Variants in SPATA22 observed in about 807,000 individuals in gnomAD.
The protein encoded by SPATA22 is spermatogenesis-associated protein 22.
Under a neutral mutation model 47.8 loss-of-function variants are expected in SPATA22, and 29 were observed. The ratio of observed to expected loss-of-function variants is 0.61; its 90% CI spans 0.45 to 0.83. The LOEUF is 0.83. SPATA22 is among the 40% of genes least tolerant of loss of function. The pLI, the probability that SPATA22 is intolerant of heterozygous loss-of-function variation, is 0.00. For missense variants in SPATA22, 410 were observed against 421.7 expected, an observed-to-expected ratio of 0.97 and a Z score of 0.24; for synonymous variants, 133 against 140.9, an observed-to-expected ratio of 0.94 and a Z score of 0.40.
At chr17:3,486,910 T>C (rs1197970263) in intron 1 of SPATA22, among the ~76,000 whole-genome samples, 2 of 152,200 alleles carry the variant, frequency 1.3e-5, no homozygotes, top group Non-Finnish European at 2.9e-5. Context: ...TTGTAGGACA[T>C]GGCTATGGCA....
upstream of SPATA22, chr17:3,472,498 G>C (rs577809660): frequency 2.0e-5 from 3 of 152,400 alleles, no homozygotes; most frequent in Admixed American, 2.0e-4. Flanking sequence ...GGACCTACCA[G>C]TAAAAGAACA....
chr17:3,497,644 T>C (rs983461149), intron 1 of SPATA22, among the ~76,000 whole-genome samples: 1 of 152,208 alleles, frequency 6.6e-6, no homozygotes, highest in Non-Finnish European at 1.5e-5. Flanking sequence ...GCGATCATAA[T>C]GTGCCACCAG....
At chr17:3,467,302 T>G (rs2073336566) in intron 3 of SPATA22, 124 bp downstream of exon 3, 1 of 788,310 alleles carries the variant, frequency 1.3e-6, no homozygotes. Flanking sequence ...CTATGTAATT[T>G]CTATATGTGG....
intron 5 of SPATA22, among the ~76,000 whole-genome samples, chr17:3,462,002 G>A (rs1011026888): frequency 6.6e-6 from 1 of 152,004 alleles, no homozygotes; most frequent in Non-Finnish European, 1.5e-5. Context: ...TTCATTTCTT[G>A]AGCCCCTACT....
intron 1 of SPATA22, chr17:3,494,499 T>A (rs756486714): frequency 1.2e-5 from 18 of 1,500,912 alleles, no homozygotes; most frequent in Non-Finnish European, 1.5e-5. Context: ...AAAATAATAA[T>A]GCTGTACCTT....
At chr17:3,456,249 G>T (rs1409640797) in intron 5 of SPATA22, among the ~76,000 whole-genome samples, 1 of 151,440 alleles carries the variant, frequency 6.6e-6, no homozygotes, top group Non-Finnish European at 1.5e-5. Context: ...AAAAATTAAT[G>T]AATCCAGGAG....
At chr17:3,456,457 A>G (rs1473234701) in intron 5 of SPATA22, among the ~76,000 whole-genome samples, 1 of 146,104 alleles carries the variant, frequency 6.8e-6, no homozygotes, top group Non-Finnish European at 1.5e-5. Flanking sequence ...GAAGAAATGG[A>G]TAAATTCCTC....
rs973189671 is a variant in SPATA22 at position 3,471,773 on chromosome 17, C to A, written c.-165G>T. On this transcript the variant is annotated 5_prime_UTR_variant, in exon 1 of 9. Transcript: ENST00000572969. ...CCGTCAACCGTCGTCCAGGCGGCCC[C>A]GTCAGCAACCGCCGCCCTTCCCGCC... 5 of 985,510 alleles carry A rather than the reference C, an allele frequency of 5.1e-6. No individual in the cohort carries two copies. Among genetic ancestry groups the A allele is most frequent in the East Asian group, 1.1e-4 (1 of 8,806 alleles). The allele number at this position is 985,510 out of a possible 1,614,324, so 61.0% of individuals were successfully genotyped here.
chr17:3,458,515 T>C (rs1303575678), intron 5 of SPATA22, among the ~76,000 whole-genome samples: 1 of 152,152 alleles, frequency 6.6e-6, no homozygotes, highest in Non-Finnish European at 1.5e-5. Flanking sequence ...CAAAGAGATA[T>C]CTGCATTTCC....
At chr17:3,461,635 A>C (rs969579326) in intron 5 of SPATA22, among the ~76,000 whole-genome samples, 3 of 152,174 alleles carry the variant, frequency 2.0e-5, no homozygotes, top group African/African-American at 7.2e-5. Context: ...AATCAAAACT[A>C]ATTTTTAAAT....
Position 3,443,220 on chromosome 17 carries a change from A to T in SPATA22, c.854T>A (p.Leu285His). 1.2e-6 allele frequency: 2 copies of T among 1,611,194 alleles called. No individual in the cohort carries two copies. Among genetic ancestry groups the T allele is most frequent in the Non-Finnish European group, 1.7e-6 (2 of 1,178,320 alleles). The change falls in exon 8 of 9, where the codon CTT (leucine) becomes CAT (histidine). Residue 285 changes from leucine (L) to histidine (H), a missense_variant. Coordinates refer to ENST00000572969, the MANE Select transcript of SPATA22 (RefSeq NM_001170698.2). ...CAGAGTATTTTTCCCATCCCTCATA[A>T]GAAAAGTCTTCGAATAATATGGGCC... The part of the protein sequence containing the change: ...TPGPYYSKTF[L>H]MRDGKNTLPC...
chr17:3,492,916 A>C (rs1405147776), intron 1 of SPATA22, among the ~76,000 whole-genome samples: 8 of 152,218 alleles, frequency 5.3e-5, no homozygotes, highest in African/African-American at 1.9e-4. Context: ...CATGAACTAA[A>C]TTAGGAGGTG....
In SPATA22 at chr17:3,467,558, A is replaced by T; in HGVS notation, c.44-4T>A. On this transcript the variant is annotated splice_region_variant and splice_polypyrimidine_tract_variant and intron_variant, in intron 2 of 8. Coordinates refer to ENST00000572969, the MANE Select transcript of SPATA22 (RefSeq NM_001170698.2). ...AACAACGGAACAGGCAAACAGCCTA[A>T]ATTGAATGTACCAATAAATTAGTAC... The T allele has an allele frequency of 6.2e-7, 1 of 1,600,388 alleles. No individual in the cohort carries two copies. Among genetic ancestry groups the T allele is most frequent in the Non-Finnish European group, 8.5e-7 (1 of 1,174,286 alleles).
chr17:3,453,671 G>C (rs1012067284), intron 5 of SPATA22, among the ~76,000 whole-genome samples: 14 of 151,964 alleles, frequency 9.2e-5, no homozygotes, highest in Non-Finnish European at 1.9e-4. Flanking sequence ...AACTCGAAAT[G>C]CTCCAAAATT....
At chr17:3,463,951 G>GTCTGCCTCTC (rs2073200320) in intron 3 of SPATA22, among the ~76,000 whole-genome samples, 1 of 39,180 alleles carries the variant, frequency 2.6e-5, no homozygotes, top group Admixed American at 2.7e-4. Flanking sequence ...CTCTCCCTCT[G>GTCTGCCTCTC]CCTCTCCCTC....
At chr17:3,469,896 C>G (rs2073388540) in intron 1 of SPATA22, among the ~76,000 whole-genome samples, 1 of 152,092 alleles carries the variant, frequency 6.6e-6, no homozygotes, top group Non-Finnish European at 1.5e-5. Context: ...GAGTTCAAGA[C>G]CAGCCTGGCC....
intron 1 of SPATA22, among the ~76,000 whole-genome samples, chr17:3,482,473 G>A (rs1237324440): frequency 6.6e-6 from 1 of 152,158 alleles, no homozygotes. Context: ...TCCTTCCTGA[G>A]AGCAAGGATG....
chr17:3,454,155 T>A (rs2072928073), intron 5 of SPATA22, among the ~76,000 whole-genome samples: 1 of 146,694 alleles, frequency 6.8e-6, no homozygotes, highest in South Asian at 2.1e-4. Context: ...TACTTAGGAA[T>A]AAATGACCAA....
At chr17:3,443,022 T>C in intron 8 of SPATA22, 152 bp downstream of exon 8, 2 of 594,374 alleles carry the variant, frequency 3.4e-6, no homozygotes, top group South Asian at 2.3e-5. Flanking sequence ...AGGCTCTCTA[T>C]ATTATAAAAA....
Sources: gnomAD v4.1 joint callset for allele counts (sites outside exome capture counted in the v4.1 genomes callset) on GRCh38, gnomAD v4.1.1 for gene constraint, MANE v1.5 for transcripts, NCBI Gene and HGNC (gene_info 2026-07-23, HGNC 2026-07-21) for gene names.